Variants in GNG7 observed in about 807,000 individuals in gnomAD.
GNG7 encodes the protein G protein subunit gamma 7, also known as guanine nucleotide-binding protein G(I)/G(S)/G(O) subunit gamma-7.
GNG7 carries 1 observed loss-of-function variant against 4.0 expected under a neutral mutation model. That is an observed-to-expected ratio of 0.25 (90% CI 0.09 to 1.18). GNG7 has a LOEUF of 1.18. GNG7 is among the 50% of genes most tolerant of loss of function. GNG7 has a pLI of 0.50. For synonymous variants in GNG7, 34 were observed against 36.9 expected (o/e 0.92, Z 0.29); for missense variants, 86 against 91.9 (o/e 0.94, Z 0.26).
At chr19:2,628,662 C>A (rs1231765861) in intron 2 of GNG7, among the ~76,000 whole-genome samples, 1 of 149,916 alleles carries the variant, frequency 6.7e-6, no homozygotes. Context: ...ACTGTATCCA[C>A]TGAACAACAG....
chr19:2,515,147 C>T lies in GNG7; in HGVS notation c.82G>A (p.Val28Ile). ...ATGAGGTCAGACGCCGCTTTGGAGA[C>T]CTGTGTTTGAGCACAAGGAGGAGAC... ...RIEAGIERIK[V>I]SKAASDLMSY... The change falls in exon 5 of 5, where the codon GTC becomes ATC. Residue 28 changes from valine (V) to isoleucine (I), a missense_variant and splice_region_variant. Physicochemically the swap from Val to Ile is conservative, Grantham distance 29 (BLOSUM62 3). Coordinates refer to ENST00000382159, the MANE Select transcript of GNG7 (RefSeq NM_052847.3). The T allele has an allele frequency of 6.2e-7, 1 of 1,613,806 alleles. No homozygotes were observed. Among genetic ancestry groups the T allele is most frequent in the Non-Finnish European group, 8.5e-7 (1 of 1,179,988 alleles).
chr19:2,547,471 TC>T (rs2144753575), intron 3 of GNG7, among the ~76,000 whole-genome samples: 1 of 151,976 alleles, frequency 6.6e-6, no homozygotes, highest in East Asian at 1.9e-4. Flanking sequence ...ACTCTCACCC[TC>T]CTGCCTCCTC....
intron 2 of GNG7, among the ~76,000 whole-genome samples, chr19:2,564,775 A>AGAAGGTGCTACCTGCAC (rs1979850469): frequency 1.3e-5 from 2 of 152,162 alleles, no homozygotes; most frequent in African/African-American, 4.8e-5. Flanking sequence ...TTGATCTCAG[A>AGAAGGTGCTACCTGCAC]CTTCTGGCCT....
chr19:2,696,347 A>AAAAG (rs1555705089), intron 1 of GNG7, among the ~76,000 whole-genome samples: 4 of 119,220 alleles, frequency 3.4e-5, no homozygotes, highest in African/African-American at 9.5e-5. Flanking sequence ...AGAAAGAAAG[A>AAAAG]AAAGAAAGAA....
chr19:2,525,678 G>A (rs911508223), intron 3 of GNG7, among the ~76,000 whole-genome samples: 2 of 152,190 alleles, frequency 1.3e-5, no homozygotes, highest in African/African-American at 4.8e-5. Context: ...CCAGGGAGCA[G>A]CCGCCCTCTA....
At chr19:2,542,252 T>A (rs1464627337) in intron 3 of GNG7, among the ~76,000 whole-genome samples, 1 of 151,598 alleles carries the variant, frequency 6.6e-6, no homozygotes, top group African/African-American at 2.4e-5. Flanking sequence ...GTAACTGCGA[T>A]TACAGGCGCT....
chr19:2,522,054 G>A (rs1445130610), intron 3 of GNG7, among the ~76,000 whole-genome samples: 2 of 152,172 alleles, frequency 1.3e-5, no homozygotes, highest in Admixed American at 1.3e-4. Context: ...ATCTCATCTG[G>A]GGATGACTCT....
intron 2 of GNG7, among the ~76,000 whole-genome samples, chr19:2,607,415 GC>G (rs1410659036): frequency 6.6e-6 from 1 of 150,986 alleles, no homozygotes; most frequent in Admixed American, 6.6e-5. Context: ...TGTTATCCCA[GC>G]TACTTGGGAG....
chr19:2,554,342 A>G (rs912779906), intron 3 of GNG7, among the ~76,000 whole-genome samples: 6 of 147,884 alleles, frequency 4.1e-5, no homozygotes, highest in African/African-American at 1.5e-4. Flanking sequence ...ACGTGCCACC[A>G]CACTGGGTAT....
At chr19:2,567,331 T>TGTGTGTGTGTGTGTG (rs140297869) in intron 2 of GNG7, among the ~76,000 whole-genome samples, 1 of 137,172 alleles carries the variant, frequency 7.3e-6, no homozygotes, top group Non-Finnish European at 1.5e-5. Flanking sequence ...TGTCGTCGAT[T>TGTGTGTGTGTGTGTG]TGTGTGTGTG....
Position 2,635,206 on chromosome 19 carries a change from C to A in GNG7, c.-78+11018G>T, listed in dbSNP as rs147836856. Among the ~76,000 whole-genome samples, 181 of 148,044 alleles carry A rather than the reference C, an allele frequency of 1.2e-3. 1 individual carries two copies. Among genetic ancestry groups the A allele is most frequent in the African/African-American group, 4.6e-3 (174 of 37,566 alleles). ...CCCCAGATGAGTGAGGACAGAGGTG[C>A]AGGTGGGTGCAGGTGGGCACAGGTG... On this transcript the variant is annotated intron_variant, in intron 2 of 4. Coordinates refer to ENST00000382159, the MANE Select transcript of GNG7 (RefSeq NM_052847.3).
intron 2 of GNG7, chr19:2,642,527 G>C: frequency 2.8e-6 from 1 of 351,376 alleles, no homozygotes. Context: ...CACCACGCCT[G>C]GCTAATTTCT....
At chr19:2,668,552 C>T (rs1026427010) in intron 1 of GNG7, among the ~76,000 whole-genome samples, 1 of 152,130 alleles carries the variant, frequency 6.6e-6, no homozygotes, top group African/African-American at 2.4e-5. Context: ...CCCCGGAACA[C>T]CCGAGGCCAA....
intron 2 of GNG7, among the ~76,000 whole-genome samples, chr19:2,582,155 C>A (rs1980521987): frequency 6.6e-6 from 1 of 151,970 alleles, no homozygotes. Context: ...CACAAAAGCA[C>A]GTGGAAATGG....
At chr19:2,655,969 G>A (rs1312349535) in intron 1 of GNG7, among the ~76,000 whole-genome samples, 2 of 148,438 alleles carry the variant, frequency 1.3e-5, no homozygotes, top group East Asian at 3.9e-4. Context: ...AGGTTGCAGT[G>A]AGCCAGGATC....
At chr19:2,589,686 G>A (rs1027439136) in intron 2 of GNG7, among the ~76,000 whole-genome samples, 1 of 152,104 alleles carries the variant, frequency 6.6e-6, no homozygotes, top group Non-Finnish European at 1.5e-5. Context: ...CCTGCGCGTA[G>A]GGGGTTGTAC....
intron 2 of GNG7, among the ~76,000 whole-genome samples, chr19:2,570,900 C>T (rs544456147): frequency 1.3e-5 from 2 of 152,054 alleles, no homozygotes; most frequent in Non-Finnish European, 2.9e-5. Context: ...TGAGCTCAAC[C>T]GATCCTCCTG....
intron 3 of GNG7, among the ~76,000 whole-genome samples, chr19:2,537,195 C>T (rs532328002): frequency 9.8e-4 from 149 of 151,568 alleles, no homozygotes; most frequent in Admixed American, 2.3e-3. Context: ...GTGATCCGCC[C>T]GCCTCGGCCT....
At chr19:2,661,696 GGAAGGAAGGAAAAAAGGAAA>G (rs1983185272) in intron 1 of GNG7, among the ~76,000 whole-genome samples, 1 of 148,488 alleles carries the variant, frequency 6.7e-6, no homozygotes, top group African/African-American at 2.5e-5. Context: ...AAAAAAGGAA[GGAAGGAAGGAAAAAAGGAAA>G]GAAGGAAGGA....
Sources: allele counts gnomAD v4.1 joint callset (sites outside exome capture counted in the v4.1 genomes callset), GRCh38; gene constraint gnomAD v4.1.1; transcripts MANE v1.5; gene names NCBI Gene and HGNC (gene_info 2026-07-23, HGNC 2026-07-21).